Variants in RNF150 observed in about 807,000 individuals in gnomAD.
The protein encoded by RNF150 is ring finger protein 150.
RNF150 carries 24 observed loss-of-function variants against 39.3 expected under a neutral mutation model. That is an observed-to-expected ratio of 0.61 (90% CI 0.44 to 0.86). RNF150 has a LOEUF of 0.86. Among genes scored for constraint, RNF150 ranks in the 40% least tolerant of loss-of-function variants. The pLI is 0.00. For missense variants in RNF150, 502 were observed against 587.8 expected, an observed-to-expected ratio of 0.85 and a Z score of 1.51; for synonymous variants, 255 against 227.3, an observed-to-expected ratio of 1.12 and a Z score of -1.10.
At chr4:141,061,784 T>A (rs1737239156) in intron 1 of RNF150, among the ~76,000 whole-genome samples, 1 of 152,128 alleles carries the variant, frequency 6.6e-6, no homozygotes, top group Non-Finnish European at 1.5e-5. Context: ...ACTTAAAATA[T>A]CCTCTCTGAC....
intron 1 of RNF150, among the ~76,000 whole-genome samples, chr4:141,040,891 C>A (rs952457039): frequency 3.3e-5 from 5 of 152,096 alleles, no homozygotes; most frequent in African/African-American, 7.2e-5. Context: ...TTTAATATTA[C>A]AAAATTCATG....
chr4:141,004,162 A>C (rs539153506), intron 1 of RNF150, among the ~76,000 whole-genome samples: 1 of 152,218 alleles, frequency 6.6e-6, no homozygotes, highest in East Asian at 1.9e-4. Context: ...GGCGAACAAC[A>C]ACAACAAAAA....
chr4:141,085,185 C>G (rs567243891), intron 1 of RNF150, among the ~76,000 whole-genome samples: 1 of 152,244 alleles, frequency 6.6e-6, no homozygotes, highest in African/African-American at 2.4e-5. Flanking sequence ...TGGCGGCAGG[C>G]AAGACAGCAT....
At chr4:141,208,131 A>G (rs13106149) in intron 1 of RNF150, among the ~76,000 whole-genome samples, 33,680 of 152,212 alleles carry the variant, frequency 0.22, 3,970 homozygotes, top group South Asian at 0.32. Flanking sequence ...TCATGTCTGC[A>G]GTATTCCTGC....
intron 1 of RNF150, among the ~76,000 whole-genome samples, chr4:141,013,206 G>T (rs1735139276): frequency 6.6e-6 from 1 of 152,116 alleles, no homozygotes; most frequent in South Asian, 2.1e-4. Context: ...ATATTGACAG[G>T]TGAGATTATG....
chr4:140,870,921 A>AT (rs1220085967), intron 6 of RNF150, among the ~76,000 whole-genome samples: 1 of 151,776 alleles, frequency 6.6e-6, no homozygotes, highest in Non-Finnish European at 1.5e-5. Context: ...GTGGCTTCAT[A>AT]TGGCAGGTCC....
Position 141,000,096 on chromosome 4 carries a change from A to AAGAAGAAGAAGAAGAAGAAGAAGG in RNF150, c.485-32224_485-32223insCCTTCTTCTTCTTCTTCTTCTTCT, listed in dbSNP as rs1734607475. 4.5e-5 allele frequency among the ~76,000 whole-genome samples: 6 copies of AAGAAGAAGAAGAAGAAGAAGAAGG among 132,280 alleles called. 2 individuals carry two copies. Among genetic ancestry groups the AAGAAGAAGAAGAAGAAGAAGAAGG allele is most frequent in the East Asian group, 2.1e-4 (1 of 4,846 alleles). 86.8% of individuals were successfully genotyped at this position (132,280 alleles called of 152,430 possible). On this transcript the variant is annotated intron_variant, in intron 1 of 6. Transcript: ENST00000515673. ...GAAGAAGAAGAAGAAGGAGAAGAAG[A>AAGAAGAAGAAGAAGAAGAAGAAGG]AGAAGAAGAAGAGGAGGAAGAAGAA... is the stretch of plus-strand genomic sequence containing the variant.
intron 1 of RNF150, among the ~76,000 whole-genome samples, chr4:141,193,711 G>A (rs1301617929): frequency 1.3e-5 from 2 of 152,192 alleles, no homozygotes; most frequent in African/African-American, 4.8e-5. Context: ...AGAGCAGGAT[G>A]TGGGAGCAAG....
chr4:140,918,399 C>A (rs1730942149), intron 5 of RNF150, among the ~76,000 whole-genome samples: 1 of 152,108 alleles, frequency 6.6e-6, no homozygotes, highest in East Asian at 1.9e-4. Context: ...GAGAATAGTA[C>A]AAACACCTCT....
chr4:140,908,267 G>A (rs1234474070), intron 6 of RNF150, among the ~76,000 whole-genome samples: 1 of 152,120 alleles, frequency 6.6e-6, no homozygotes, highest in Admixed American at 6.6e-5. Flanking sequence ...ATAGAGCAGA[G>A]GCTTTTTCTC....
chr4:140,934,153 G>C (rs1353400263), intron 4 of RNF150, among the ~76,000 whole-genome samples: 1 of 152,138 alleles, frequency 6.6e-6, no homozygotes, highest in Middle Eastern at 3.2e-3. Context: ...TGGGACTATA[G>C]GCACATACAA....
At chr4:141,090,874 A>T (rs1738555383) in intron 1 of RNF150, among the ~76,000 whole-genome samples, 1 of 152,074 alleles carries the variant, frequency 6.6e-6, no homozygotes, top group South Asian at 2.1e-4. Context: ...TTTCCCAAAC[A>T]TTGGTTATTA....
chr4:140,969,961 G>A (rs1326605589), intron 1 of RNF150, among the ~76,000 whole-genome samples: 2 of 151,696 alleles, frequency 1.3e-5, no homozygotes, highest in African/African-American at 2.4e-5. Flanking sequence ...ACAGAGTTTC[G>A]CCATATTGGC....
chr4:141,002,898 GCT>G (rs1734718601), intron 1 of RNF150, among the ~76,000 whole-genome samples: 2 of 152,150 alleles, frequency 1.3e-5, no homozygotes, highest in South Asian at 4.1e-4. Flanking sequence ...TTCAAGGAGA[GCT>G]CTCTGTGTTC....
At chr4:141,028,257 T>A (rs1735796662) in intron 1 of RNF150, among the ~76,000 whole-genome samples, 1 of 152,208 alleles carries the variant, frequency 6.6e-6, no homozygotes, top group African/African-American at 2.4e-5. Context: ...AAGTAGTGGC[T>A]AAAATTAGTC....
intron 1 of RNF150, among the ~76,000 whole-genome samples, chr4:141,207,987 A>G (rs139991514): frequency 2.0e-5 from 3 of 152,362 alleles, no homozygotes; most frequent in Admixed American, 2.0e-4. Flanking sequence ...TTGAGGAAAC[A>G]AAAGTCAGGA....
chr4:140,931,053 G>A (rs545182771), intron 4 of RNF150, among the ~76,000 whole-genome samples: 2 of 152,120 alleles, frequency 1.3e-5, no homozygotes, highest in African/African-American at 4.8e-5. Context: ...GAGTGAATGA[G>A]TCTGTGTGTG....
intron 1 of RNF150, among the ~76,000 whole-genome samples, chr4:141,056,718 A>G (rs1245251812): frequency 1.3e-5 from 2 of 151,478 alleles, no homozygotes; most frequent in African/African-American, 2.4e-5. Flanking sequence ...GGCGTGAGGG[A>G]AAAACGCCTC....
chr4:141,168,607 T>C (rs1727642378), intron 1 of RNF150, among the ~76,000 whole-genome samples: 1 of 152,200 alleles, frequency 6.6e-6, no homozygotes, highest in African/African-American at 2.4e-5. Context: ...TGGGATACTA[T>C]GTAGGCATAA....
Sources: allele counts gnomAD v4.1 joint callset (sites outside exome capture counted in the v4.1 genomes callset), GRCh38; gene constraint gnomAD v4.1.1; transcripts MANE v1.5; gene names NCBI Gene and HGNC (gene_info 2026-07-23, HGNC 2026-07-21).